The following MASTL variants were observed in gnomAD, a reference collection of about 807,000 sequenced individuals.
The protein encoded by MASTL is serine/threonine-protein kinase greatwall.
MASTL carries 54 observed loss-of-function variants against 82.5 expected under a neutral mutation model. That is an observed-to-expected ratio of 0.65 (90% CI 0.53 to 0.82). The LOEUF (loss-of-function observed/expected upper bound fraction) is 0.82, where lower values mean the gene tolerates loss of function less well. Among genes scored for constraint, MASTL ranks in the 40% least tolerant of loss-of-function variants. The pLI, the probability that MASTL is intolerant of heterozygous loss-of-function variation, is 0.00. For synonymous variants in MASTL, 323 were observed against 368.9 expected, an observed-to-expected ratio of 0.88 and a Z score of 1.43; for missense variants, 950 against 1,047.8, an observed-to-expected ratio of 0.91 and a Z score of 1.29.
chr10:27,158,699 T>G lies in MASTL; in HGVS notation c.324+13T>G. The G allele has an allele frequency of 6.2e-7, 1 of 1,612,826 alleles. No individual in the cohort carries two copies. The highest frequency in any genetic ancestry group is 8.5e-7 in the Non-Finnish European group (1 of 1,178,826). On this transcript the variant is annotated intron_variant, in intron 2 of 11. Coordinates refer to ENST00000375940, the MANE Select transcript of MASTL (RefSeq NM_001172303.3). Reference sequence around the variant, plus strand: ...CAATGTCTACTTGGTGAGTAAATAATTTTTATGTTGTTTCTTTATCCATTA... The same window carrying G: ...CAATGTCTACTTGGTGAGTAAATAAGTTTTATGTTGTTTCTTTATCCATTA...
At chr10:27,184,781 G>A (rs1179053309) in intron 11 of MASTL, among the ~76,000 whole-genome samples, 2 of 151,694 alleles carry the variant, frequency 1.3e-5, no homozygotes, top group Admixed American at 6.6e-5. Flanking sequence ...GGCTGGTCTC[G>A]AACTCCTGAC....
rs142823235 is a variant in MASTL, at chr10:27,165,398, A to G, written c.670A>G (p.Ile224Val). ...TTTCTCTTTTTAATAGAACACACCA[A>G]TTGCAGAAAAAAATCAAGACCCTGC... The part of the protein sequence containing the change: ...LISSLGFNTP[I>V]AEKNQDPANI... The change falls in exon 6 of 12, where the codon ATT (isoleucine) becomes GTT (valine). Residue 224 changes from isoleucine to valine, a missense_variant. Physicochemically the swap from Ile to Val is conservative, Grantham distance 29. Coordinates refer to ENST00000375940, the MANE Select transcript of MASTL (RefSeq NM_001172303.3). 1.9e-6 allele frequency: 3 copies of G among 1,614,124 alleles called. No homozygotes were observed. The highest frequency in any genetic ancestry group is 1.3e-5 in the African/African-American group (1 of 75,038).
At chr10:27,178,469 A>C (rs1167581059) in intron 9 of MASTL, among the ~76,000 whole-genome samples, 1 of 152,156 alleles carries the variant, frequency 6.6e-6, no homozygotes, top group East Asian at 1.9e-4. Context: ...TATCATTAGA[A>C]AATAAAAAAG....
At chr10:27,164,445 A>G (rs2057675154) in intron 4 of MASTL, among the ~76,000 whole-genome samples, 1 of 152,178 alleles carries the variant, frequency 6.6e-6, no homozygotes, top group South Asian at 2.1e-4. Flanking sequence ...GGATAAGAAC[A>G]TTAGACTTCT....
At chr10:27,157,239 A>G (rs527710109) in intron 1 of MASTL, among the ~76,000 whole-genome samples, 1 of 152,272 alleles carries the variant, frequency 6.6e-6, no homozygotes, top group South Asian at 2.1e-4. Flanking sequence ...ATCTGATTGA[A>G]TTGGTTACTT....
chr10:27,178,398 A>G (rs2058170415), intron 9 of MASTL, among the ~76,000 whole-genome samples: 1 of 151,384 alleles, frequency 6.6e-6, no homozygotes, highest in African/African-American at 2.4e-5. Context: ...TCCATCTCAA[A>G]AAAAAAAAAA....
At chr10:27,155,713 T>C in intron 1 of MASTL, 101 bp downstream of exon 1, 2 of 1,352,394 alleles carry the variant, frequency 1.5e-6, no homozygotes, top group Admixed American at 1.9e-5. Flanking sequence ...GCGAGGAGTC[T>C]GGGTGGCCTG....
intron 9 of MASTL, among the ~76,000 whole-genome samples, chr10:27,176,465 C>G (rs1453421270): frequency 6.6e-6 from 1 of 152,136 alleles, no homozygotes; most frequent in African/African-American, 2.4e-5. Flanking sequence ...CCAAATTGAT[C>G]ACGACATTTG....
intron 1 of MASTL, among the ~76,000 whole-genome samples, chr10:27,156,961 C>T (rs1049821440): frequency 5.9e-5 from 9 of 151,362 alleles, no homozygotes; most frequent in South Asian, 2.1e-4. Flanking sequence ...GCCACCACAC[C>T]GGGCTAATTT....
chr10:27,171,074 G>T lies in MASTL; in HGVS notation c.2115G>T (p.Met705Ile). The change falls in exon 8 of 12, where the codon ATG becomes ATT. Residue 705 changes from methionine (M) to isoleucine (I), a missense_variant. Coordinates refer to ENST00000375940, the MANE Select transcript of MASTL (RefSeq NM_001172303.3). The stretch of plus-strand genomic sequence containing the variant: ...CTACTCAAAAAAGAAGATCCTGTAT[G>T]CCACATCAGGTATATTTATAACTTT... ...ITPTQKRRSC[M>I]PHQQTPNQIK... 1 of 1,613,240 alleles carries T rather than the reference G, an allele frequency of 6.2e-7. No homozygotes were observed.
chr10:27,172,149 ACT>A (rs1248636604), intron 8 of MASTL, among the ~76,000 whole-genome samples: 1 of 152,032 alleles, frequency 6.6e-6, no homozygotes, highest in African/African-American at 2.4e-5. Context: ...TTCAAAGCTT[ACT>A]CTCTATATTC....
At position 27,170,798 on chromosome 10, in the gene MASTL, T is replaced by C. The variant is rs533985426; in HGVS notation, c.1839T>C (p.Asp613=). The change falls in exon 8 of 12, where the codon GAT becomes GAC. Residue 613 remains aspartate, a synonymous_variant. Coordinates refer to ENST00000375940, the MANE Select transcript of MASTL (RefSeq NM_001172303.3). ...AAGATCCACTTATTGTAACACCAGA[T>C]TGCCAAGAAAAGACCTCACCAAAAG... is the stretch of plus-strand genomic sequence containing the variant. ...NIEDPLIVTP[D]CQEKTSPKGV... 3 of 1,614,124 alleles carry C rather than the reference T, an allele frequency of 1.9e-6. No homozygotes were observed. The Admixed American group carries it at 5.0e-5, about 27-fold the overall frequency.
At chr10:27,171,823 TTC>T (rs1171997919) in intron 8 of MASTL, among the ~76,000 whole-genome samples, 5 of 104,286 alleles carry the variant, frequency 4.8e-5, no homozygotes, top group South Asian at 3.5e-4. Flanking sequence ...AAAAATATGT[TTC>T]TTTTTTTTTT....
Position 27,161,260 on chromosome 10 carries a change from C to T in MASTL, c.553+78C>T, listed in dbSNP as rs528738129. The T allele has an allele frequency of 1.1e-4, 92 of 852,606 alleles. No individual in the cohort carries two copies. The South Asian group carries it at 1.1e-3, about 11-fold the overall frequency. 52.8% of individuals were successfully genotyped at this position (852,606 alleles called of 1,614,324 possible). A position where few individuals can be genotyped will look rare whatever the true frequency, so the allele number is the denominator to read the frequency against. ...TGGTGGCTCACACCTGTAATCCCAG[C>T]ACTTTGGGAGGCCAAGGCGGGCAGA... On this transcript the variant is annotated intron_variant, in intron 4 of 11. Transcript: ENST00000375940.
chr10:27,181,867 G>A (rs1385067449), intron 11 of MASTL, among the ~76,000 whole-genome samples: 2 of 152,120 alleles, frequency 1.3e-5, no homozygotes, highest in Non-Finnish European at 2.9e-5. Context: ...GAGATCAGGA[G>A]ATCGAGACCA....
intron 4 of MASTL, among the ~76,000 whole-genome samples, chr10:27,164,204 A>G (rs1435107278): frequency 6.6e-6 from 1 of 152,176 alleles, no homozygotes; most frequent in Non-Finnish European, 1.5e-5. Context: ...GAGTGCAGTG[A>G]TGTGATCATA....
chr10:27,176,882 G>GT (rs150915773), intron 9 of MASTL, among the ~76,000 whole-genome samples: 8,228 of 140,120 alleles, frequency 0.059, 463 homozygotes, highest in African/African-American at 0.15. Flanking sequence ...GTCTCAGTCT[G>GT]TTGCCCAGAC....
At chr10:27,181,115 T>A in intron 10 of MASTL, 49 bp downstream of exon 10, 2 of 1,361,608 alleles carry the variant, frequency 1.5e-6, no homozygotes, top group South Asian at 1.2e-5. Flanking sequence ...CTGGGCATAG[T>A]GGCCCATGCC....
upstream of MASTL, chr10:27,155,221 G>A (rs977216452): frequency 1.3e-5 from 8 of 598,016 alleles, no homozygotes; most frequent in African/African-American, 3.7e-5. Context: ...CGCCGCCCAC[G>A]AAGAGTGTAA....
Sources: allele counts gnomAD v4.1 joint callset (sites outside exome capture counted in the v4.1 genomes callset), GRCh38; gene constraint gnomAD v4.1.1; transcripts MANE v1.5; gene names NCBI Gene and HGNC (gene_info 2026-07-23, HGNC 2026-07-21).